RAD52: variants seen among roughly 807,000 people sequenced by gnomAD.
RAD52 encodes RAD52 DNA repair protein.
In RAD52, 47 loss-of-function variants were observed where a neutral mutation model predicts 55.5. That is an observed-to-expected ratio of 0.85 (90% confidence interval 0.67 to 1.08). RAD52 has a LOEUF of 1.08. RAD52 is among the 50% of genes least tolerant of loss of function. RAD52 has a pLI of 0.00. For missense variants in RAD52, 468 were observed against 522.8 expected (o/e 0.90, Z 1.02); for synonymous variants, 184 against 198.9 (o/e 0.92, Z 0.63).
chr12:990,257 G>A (rs1334537589), upstream of RAD52: 4 of 152,148 alleles, frequency 2.6e-5, no homozygotes, highest in African/African-American at 9.6e-5. Context: ...CTGGAAGGCT[G>A]GGAATAAATA....
chr12:986,709 T>C (rs1448591328), intron 1 of RAD52, among the ~76,000 whole-genome samples: 1 of 151,858 alleles, frequency 6.6e-6, no homozygotes, highest in East Asian at 1.9e-4. Context: ...AGGTTGGGTG[T>C]AAAAGTTGAA....
At chr12:942,251 C>T (rs1289534595) in intron 1 of RAD52, among the ~76,000 whole-genome samples, 2 of 152,082 alleles carry the variant, frequency 1.3e-5, no homozygotes. Context: ...AAGGATTGAA[C>T]AATGGAACAG....
chr12:948,094 T>C (rs1339631790), intron 1 of RAD52, among the ~76,000 whole-genome samples: 2 of 151,666 alleles, frequency 1.3e-5, no homozygotes, highest in Non-Finnish European at 1.5e-5. Flanking sequence ...AGAAACAAAA[T>C]GTGGTATATC....
chr12:952,614 G>C (rs1161481794), upstream of RAD52, among the ~76,000 whole-genome samples: 1 of 151,774 alleles, frequency 6.6e-6, no homozygotes, highest in Non-Finnish European at 1.5e-5. Context: ...AAAACAGGCT[G>C]GGTTCGGTGC....
At chr12:954,642 C>A (rs1248723893), upstream of RAD52, among the ~76,000 whole-genome samples, 1 of 151,990 alleles carries the variant, frequency 6.6e-6, no homozygotes, top group Non-Finnish European at 1.5e-5. Flanking sequence ...CCCCACCCCC[C>A]AAAAAATGTA....
intron 7 of RAD52, among the ~76,000 whole-genome samples, chr12:917,501 G>T (rs904300464): frequency 6.6e-6 from 1 of 152,108 alleles, no homozygotes; most frequent in African/African-American, 2.4e-5. Context: ...GAATATGAGG[G>T]ATTAAGATGA....
chr12:965,836 A>ACCCG lies in RAD52; in HGVS notation c.-19+23972_-19+23973insCGGG, dbSNP rs1958755384. On this transcript the variant is annotated intron_variant, in intron 1 of 11. Transcript: ENST00000430095. The stretch of plus-strand genomic sequence containing the variant: ...TAAGTAGCTGGGATTACACATATGC[A>ACCCG]CCACCACACCTGGCTAATTTTTGTA... 8.6e-5 allele frequency among the ~76,000 whole-genome samples: 13 copies of ACCCG among 151,988 alleles called. No homozygotes were observed. In the South Asian group the frequency reaches 2.7e-3, roughly 31 times the overall value.
At position 977,910 on chromosome 12, in the gene RAD52, A is replaced by G. The variant is rs2154121649; in HGVS notation, c.-19+11899T>C. 1.4e-5 allele frequency among the ~76,000 whole-genome samples: 2 copies of G among 146,500 alleles called. 1 individual carries two copies. The highest frequency in any genetic ancestry group is 7.1e-3 in the Middle Eastern group (2 of 280). On this transcript the variant is annotated intron_variant, in intron 1 of 11. Coordinates refer to the RAD52 transcript ENST00000430095. ...GACATGGGTTTAAGCCCTTGAGCAA[A>G]GAAATGCAAAACCTATGAGTGGGAC... is the stretch of plus-strand genomic sequence containing the variant.
intron 1 of RAD52, among the ~76,000 whole-genome samples, chr12:979,209 G>C (rs1336732125): frequency 1.3e-5 from 2 of 152,184 alleles, no homozygotes; most frequent in African/African-American, 2.4e-5. Flanking sequence ...GGAGGCCGAG[G>C]TGGGTGGACT....
intron 1 of RAD52, among the ~76,000 whole-genome samples, chr12:972,722 C>T (rs925562830): frequency 4.1e-5 from 6 of 145,664 alleles, no homozygotes; most frequent in African/African-American, 1.3e-4. Context: ...GCTGAGATAG[C>T]ACCACTGCAC....
chr12:970,683 TG>T (rs1240302893), intron 1 of RAD52, among the ~76,000 whole-genome samples: 1 of 152,084 alleles, frequency 6.6e-6, no homozygotes, highest in Non-Finnish European at 1.5e-5. Context: ...AGAGGGCATT[TG>T]GGAGGAGGTG....
chr12:985,773 G>A (rs1959077957), intron 1 of RAD52, among the ~76,000 whole-genome samples: 1 of 151,976 alleles, frequency 6.6e-6, no homozygotes, highest in African/African-American at 2.4e-5. Flanking sequence ...CTCCCGAGTA[G>A]TTGGGATTAC....
intron 1 of RAD52, among the ~76,000 whole-genome samples, chr12:969,166 A>C (rs974530104): frequency 2.0e-5 from 3 of 152,082 alleles, no homozygotes; most frequent in Non-Finnish European, 2.9e-5. Flanking sequence ...TTTATATGCA[A>C]ATACTATGCC....
intron 5 of RAD52, among the ~76,000 whole-genome samples, chr12:928,670 AT>A (rs11571433): frequency 1.6e-3 from 245 of 152,144 alleles, no homozygotes; most frequent in African/African-American, 5.6e-3. Flanking sequence ...AAGATTTCAT[AT>A]CTTTAATTTT....
intron 1 of RAD52, among the ~76,000 whole-genome samples, chr12:985,239 C>T (rs368209890): frequency 7.9e-5 from 12 of 152,294 alleles, no homozygotes; most frequent in African/African-American, 2.6e-4. Context: ...CTCCTGGGTT[C>T]GAGGAATCCT....
chr12:925,503 T>G lies in RAD52; in HGVS notation c.490A>C (p.Asn164His). Residue 164 changes from asparagine to histidine, a missense_variant, in exon 7 of 12, where the codon AAC becomes CAC. Physicochemically the swap from Asn to His is moderately conservative, Grantham distance 68 (BLOSUM62 1). Coordinates refer to ENST00000358495, the MANE Select transcript of RAD52 (RefSeq NM_134424.4). Reference sequence around the variant, plus strand: ...AGGTAGTCTTTGTCCAGAATACAGTTTCCAAGTGCATTCCCAAAACTCCTA... The same window carrying G: ...AGGTAGTCTTTGTCCAGAATACAGTGTCCAAGTGCATTCCCAAAACTCCTA... ...ALRSFGNALG[N>H]CILDKDYLRS... 6.2e-7 allele frequency: 1 copy of G among 1,613,900 alleles called. No homozygotes were observed. Among genetic ancestry groups the G allele is most frequent in the Non-Finnish European group, 8.5e-7 (1 of 1,179,816 alleles).
chr12:967,289 G>C (rs1592481306), intron 1 of RAD52, among the ~76,000 whole-genome samples: 1 of 151,602 alleles, frequency 6.6e-6, no homozygotes, highest in East Asian at 1.9e-4. Context: ...TGAGGTGGGA[G>C]GATCGCTTGA....
chr12:941,121 CCA>C (rs1957897097), intron 1 of RAD52, among the ~76,000 whole-genome samples: 1 of 152,076 alleles, frequency 6.6e-6, no homozygotes, highest in Non-Finnish European at 1.5e-5. Flanking sequence ...CCTAGATACA[CCA>C]CAGACAAACT....
chr12:959,750 T>C (rs1053065729), intron 1 of RAD52, among the ~76,000 whole-genome samples: 1 of 152,166 alleles, frequency 6.6e-6, no homozygotes, highest in Non-Finnish European at 1.5e-5. Flanking sequence ...ATTGGTTACA[T>C]TGGAAAGTCT....
Sources: allele counts gnomAD v4.1 joint callset (sites outside exome capture counted in the v4.1 genomes callset), GRCh38; gene constraint gnomAD v4.1.1; transcripts MANE v1.5; gene names NCBI Gene and HGNC (gene_info 2026-07-23, HGNC 2026-07-21).